The following NCALD variants were observed in gnomAD, a reference collection of about 807,000 sequenced individuals.
NCALD encodes neurocalcin delta, also known as neurocalcin-delta.
NCALD carries 10 observed loss-of-function variants against 18.6 expected under a neutral mutation model. That is an observed-to-expected ratio of 0.54 (90% confidence interval 0.33 to 0.91). NCALD has a LOEUF of 0.91. Ranked by LOEUF, NCALD falls within the 40% of genes least tolerant of loss-of-function variation. NCALD has a pLI of 0.03. For synonymous variants in NCALD, 88 were observed against 87.4 expected, an observed-to-expected ratio of 1.01 and a Z score of -0.04; for missense variants, 184 against 247.6, an observed-to-expected ratio of 0.74 and a Z score of 1.72.
intron 1 of NCALD, among the ~76,000 whole-genome samples, chr8:102,112,175 A>G (rs1229716577): frequency 2.6e-5 from 4 of 152,204 alleles, no homozygotes; most frequent in Non-Finnish European, 5.9e-5. Flanking sequence ...TGGTATTAAG[A>G]ACAGCAGCAT....
chr8:101,860,594 C>T (rs958775772), intron 4 of NCALD, among the ~76,000 whole-genome samples: 8 of 152,274 alleles, frequency 5.3e-5, no homozygotes, highest in South Asian at 2.1e-4. Flanking sequence ...GAAATGTAAT[C>T]ATCACAAGTA....
chr8:101,848,128 G>C (rs1478547659), intron 4 of NCALD, among the ~76,000 whole-genome samples: 2 of 152,066 alleles, frequency 1.3e-5, no homozygotes, highest in Non-Finnish European at 2.9e-5. Flanking sequence ...TCAAGCCATG[G>C]AGCCCCTATC....
intron 1 of NCALD, among the ~76,000 whole-genome samples, chr8:101,736,183 G>T (rs1343108587): frequency 6.6e-6 from 1 of 152,156 alleles, no homozygotes; most frequent in African/African-American, 2.4e-5. Flanking sequence ...GCCATCTTGG[G>T]ACTAGTTTGG....
chr8:102,065,010 CAAAAAAA>C (rs34548051), intron 1 of NCALD, among the ~76,000 whole-genome samples: 21 of 87,560 alleles, frequency 2.4e-4, no homozygotes, highest in South Asian at 4.9e-4. Context: ...CTCACTTTGG[CAAAAAAA>C]AAAAAAAAAA....
At chr8:101,829,658 G>GCACA (rs60177999) in intron 4 of NCALD, among the ~76,000 whole-genome samples, 7 of 151,122 alleles carry the variant, frequency 4.6e-5, no homozygotes, top group African/African-American at 1.7e-4. Flanking sequence ...CCCATACGTG[G>GCACA]CACACACACA....
intron 4 of NCALD, among the ~76,000 whole-genome samples, chr8:101,880,086 G>C (rs912477626): frequency 6.6e-6 from 1 of 151,646 alleles, no homozygotes; most frequent in Admixed American, 6.6e-5. Context: ...GTGGGGGGGA[G>C]GGGGGGCGGT....
chr8:102,077,771 T>A (rs1255719129), intron 1 of NCALD, among the ~76,000 whole-genome samples: 1 of 152,162 alleles, frequency 6.6e-6, no homozygotes, highest in African/African-American at 2.4e-5. Context: ...ATTCACTGTC[T>A]CTGGAATTTG....
chr8:101,959,240 C>T (rs2131843780), intron 2 of NCALD, among the ~76,000 whole-genome samples: 1 of 151,994 alleles, frequency 6.6e-6, no homozygotes, highest in South Asian at 2.1e-4. Context: ...TTTAATGGCC[C>T]TCAATTTGAG....
intron 2 of NCALD, among the ~76,000 whole-genome samples, chr8:101,703,382 G>C (rs1815363268): frequency 6.6e-6 from 1 of 152,166 alleles, no homozygotes; most frequent in South Asian, 2.1e-4. Flanking sequence ...CTGCCTTGAA[G>C]GAGCTCACAG....
intron 2 of NCALD, among the ~76,000 whole-genome samples, chr8:101,989,918 A>G (rs780297386): frequency 2.6e-5 from 4 of 152,200 alleles, no homozygotes; most frequent in Non-Finnish European, 5.9e-5. Flanking sequence ...TTCTCTGACA[A>G]TTGGGTTTAG....
chr8:101,747,002 A>G (rs13282456), intron 1 of NCALD, among the ~76,000 whole-genome samples: 93,166 of 151,806 alleles, frequency 0.61, 31,413 homozygotes, highest in Non-Finnish European at 0.75. Flanking sequence ...CCCAATCTCA[A>G]TTATGCCATC....
At chr8:101,985,460 A>T (rs1177195770) in intron 2 of NCALD, among the ~76,000 whole-genome samples, 1 of 152,370 alleles carries the variant, frequency 6.6e-6, no homozygotes, top group East Asian at 1.9e-4. Flanking sequence ...TTTCCTGGTA[A>T]TTCCAATATG....
intron 1 of NCALD, among the ~76,000 whole-genome samples, chr8:102,091,683 G>A (rs1292391456): frequency 6.6e-6 from 1 of 152,188 alleles, no homozygotes; most frequent in Non-Finnish European, 1.5e-5. Flanking sequence ...AGGAATGCAG[G>A]ATAAGCTTAC....
At chr8:101,903,609 G>A (rs780160752) in intron 3 of NCALD, among the ~76,000 whole-genome samples, 4 of 152,132 alleles carry the variant, frequency 2.6e-5, no homozygotes, top group Non-Finnish European at 5.9e-5. Context: ...CCACTGAAGA[G>A]CTTCCCTGGG....
chr8:102,003,612 C>T lies in NCALD; in HGVS notation c.-157+16625G>A, dbSNP rs187738043. 4.7e-3 allele frequency among the ~76,000 whole-genome samples: 718 copies of T among 152,220 alleles called. 3 individuals are homozygous for T. Among genetic ancestry groups the T allele is most frequent in the African/African-American group, 0.015 (605 of 41,514 alleles). Reference sequence around the variant, plus strand: ...TTAGACCAATATCCCTGATGAACATCGATGCAAAAATCCTCAATAAAATAC... The same window carrying T: ...TTAGACCAATATCCCTGATGAACATTGATGCAAAAATCCTCAATAAAATAC... On this transcript the variant is annotated intron_variant, in intron 2 of 6. Coordinates refer to the NCALD transcript ENST00000311028.
intron 1 of NCALD, chr8:102,020,381 C>G (rs1455834442): frequency 1.3e-5 from 2 of 152,116 alleles, no homozygotes; most frequent in Non-Finnish European, 1.5e-5. Flanking sequence ...ATTTATAGAT[C>G]TGTTAATATA....
rs550248364 is a variant in NCALD, at chr8:101,689,192, C to A, written c.*117G>T. The A allele has an allele frequency of 2.1e-6, 2 of 938,346 alleles. No homozygotes were observed. The highest frequency in any genetic ancestry group is 2.6e-5 in the East Asian group (1 of 38,280). The allele number at this position is 938,346 out of a possible 1,614,324, so 58.1% of individuals were successfully genotyped here. ...CGTCACGGAGGAAGGCGCATCAGAC[C>A]GCACAGGGGACGGCATCACCATTGA... On this transcript the variant is annotated 3_prime_UTR_variant, in exon 4 of 4. Coordinates refer to ENST00000220931, the MANE Select transcript of NCALD (RefSeq NM_032041.3). The surrounding 1 kb of genome is among the most constrained non-coding windows in gnomAD (Gnocchi z 4.4).
At chr8:101,882,396 C>T (rs531983789) in intron 4 of NCALD, among the ~76,000 whole-genome samples, 4 of 152,168 alleles carry the variant, frequency 2.6e-5, no homozygotes, top group African/African-American at 9.6e-5. Context: ...TCCCCTTCCA[C>T]CATAGGAGGA....
chr8:101,830,380 G>C (rs1459512966), intron 4 of NCALD, among the ~76,000 whole-genome samples: 1 of 152,104 alleles, frequency 6.6e-6, no homozygotes, highest in Non-Finnish European at 1.5e-5. Context: ...GGCCAACATA[G>C]TGAAACCCCG....
Sources: gnomAD v4.1 joint callset for allele counts (sites outside exome capture counted in the v4.1 genomes callset) on GRCh38, gnomAD v4.1.1 for gene constraint, Gnocchi (gnomAD v3.1) non-coding constraint, MANE v1.5 for transcripts, NCBI Gene and HGNC (gene_info 2026-07-23, HGNC 2026-07-21) for gene names.